The following RWDD3 variants were observed in gnomAD, a reference collection of about 807,000 sequenced individuals.
The protein encoded by RWDD3 is RWD domain containing 3.
In RWDD3, 30 loss-of-function variants were observed where a neutral mutation model predicts 26.5. The ratio of observed to expected loss-of-function variants is 1.13; its 90% CI spans 0.85 to 1.54. RWDD3 has a LOEUF of 1.54. Ranked by LOEUF, RWDD3 falls within the 40% of genes most tolerant of loss-of-function variation. The probability of loss-of-function intolerance (pLI) is 0.00; values close to 1 mark genes in which losing one functional copy is unlikely to be tolerated. For missense variants in RWDD3, 296 were observed against 309.1 expected (o/e 0.96, Z 0.32); for synonymous variants, 113 against 114.5 (o/e 0.99, Z 0.09).
chr1:95,246,440 A>G (rs1000452458), intron 2 of RWDD3, 102 bp from the exon 3 acceptor site: 7 of 606,942 alleles, frequency 1.2e-5, no homozygotes, highest in African/African-American at 1.9e-5. Context: ...AAAAGGGGGT[A>G]TTTAAGCATG....
chr1:95,245,596 T>C (rs936393319), intron 2 of RWDD3, among the ~76,000 whole-genome samples: 1 of 152,212 alleles, frequency 6.6e-6, no homozygotes, highest in African/African-American at 2.4e-5. Flanking sequence ...AGACTCATGC[T>C]GGGTTAAAGT....
chr1:95,238,923 G>C (rs1223802687), intron 1 of RWDD3, among the ~76,000 whole-genome samples: 1 of 152,064 alleles, frequency 6.6e-6, no homozygotes, highest in Non-Finnish European at 1.5e-5. Flanking sequence ...GGAAGCATAA[G>C]GTTTGAAACC....
At chr1:95,245,746 T>C (rs1409410966) in intron 2 of RWDD3, among the ~76,000 whole-genome samples, 1 of 152,116 alleles carries the variant, frequency 6.6e-6, no homozygotes, top group Admixed American at 6.5e-5. Flanking sequence ...AAAAAATAAA[T>C]ACAAATTAAT....
intron 1 of RWDD3, among the ~76,000 whole-genome samples, chr1:95,242,159 C>T (rs1178295849): frequency 6.6e-6 from 1 of 152,182 alleles, no homozygotes; most frequent in Non-Finnish European, 1.5e-5. Context: ...CACACCAGAT[C>T]CCTGGAGAAT....
Position 95,244,225 on chromosome 1 carries a change from G to C in RWDD3, c.100G>C (p.Val34Leu). 6.2e-7 allele frequency: 1 copy of C among 1,613,872 alleles called. No homozygotes were observed. The highest frequency in any genetic ancestry group is 8.5e-7 in the Non-Finnish European group (1 of 1,179,750). Residue 34 changes from valine (V) to leucine (L), a missense_variant, in exon 2 of 4, where the codon GTG (valine) becomes CTG (leucine). By Grantham distance (32) the Val-to-Leu change is conservative (BLOSUM62 1). Coordinates refer to ENST00000370202, the MANE Select transcript of RWDD3 (RefSeq NM_015485.5). Reference protein sequence around the residue: ...VLSRSETDGTVFRIHTKAEGF... With the variant: ...VLSRSETDGTLFRIHTKAEGF... ...ATGCCTTCCAGAGACAGATGGGACC[G>C]TGTTCAGAATTCACACAAAAGCTGA...
In RWDD3 at chr1:95,244,366, G is replaced by A; in HGVS notation, c.241G>A (p.Val81Met). The A allele has an allele frequency of 6.2e-7, 1 of 1,614,180 alleles. No homozygotes were observed. Among genetic ancestry groups the A allele is most frequent in the Non-Finnish European group, 8.5e-7 (1 of 1,180,036 alleles). ...TGAACAGTTGACCAGGGCCCAGTGT[G>A]TGACTGTGAAAGAGAATTTACTTGA... ...NSEQLTRAQC[V>M]TVKENLLEQA... Residue 81 changes from valine to methionine, a missense_variant, in exon 2 of 4, where the codon GTG becomes ATG. Physicochemically the swap from Val to Met is conservative, Grantham distance 21. Transcript: ENST00000370202.
At chr1:95,236,284 CCATT>C (rs1342696224) in intron 1 of RWDD3, among the ~76,000 whole-genome samples, 2 of 151,208 alleles carry the variant, frequency 1.3e-5, no homozygotes, top group African/African-American at 4.9e-5. Context: ...CAAGATCTCA[CCATT>C]CATTGCACTG....
In RWDD3 at chr1:95,244,455, T is replaced by C; in HGVS notation, c.330T>C (p.Asn110=). 1 of 1,614,220 alleles carries C rather than the reference T, an allele frequency of 6.2e-7. No individual in the cohort carries two copies. Among genetic ancestry groups the C allele is most frequent in the Non-Finnish European group, 8.5e-7 (1 of 1,180,034 alleles). ...AGCTGGTTCTCTGGATTCAGCAGAA[T>C]CTCAGGCATATCCTCAGCCAACCAG... ...VHELVLWIQQ[N]LRHILSQPET... is the part of the protein sequence containing the mutation. Residue 110 remains asparagine (N), a synonymous_variant, in exon 2 of 4, where the codon AAT becomes AAC. Transcript: ENST00000370202.
chr1:95,234,505 C>T (rs548661158), intron 1 of RWDD3, among the ~76,000 whole-genome samples, 190 bp downstream of exon 1: 1 of 152,036 alleles, frequency 6.6e-6, no homozygotes, highest in African/African-American at 2.4e-5. Flanking sequence ...TGAGGCGACC[C>T]CAGAAACACT....
At chr1:95,236,853 C>T (rs948508788) in intron 1 of RWDD3, among the ~76,000 whole-genome samples, 3 of 152,158 alleles carry the variant, frequency 2.0e-5, no homozygotes, top group African/African-American at 7.2e-5. Flanking sequence ...GTCATTAGTA[C>T]ACAGCTGAGC....
chr1:95,234,505 C>G (rs548661158), intron 1 of RWDD3, among the ~76,000 whole-genome samples, 190 bp downstream of exon 1: 1 of 152,152 alleles, frequency 6.6e-6, no homozygotes, highest in African/African-American at 2.4e-5. Context: ...TGAGGCGACC[C>G]CAGAAACACT....
intron 1 of RWDD3, among the ~76,000 whole-genome samples, chr1:95,236,809 C>G (rs978757312): frequency 3.3e-5 from 5 of 152,142 alleles, no homozygotes; most frequent in African/African-American, 1.2e-4. Flanking sequence ...CCTGCAATTT[C>G]CCATCACACC....
intron 2 of RWDD3, among the ~76,000 whole-genome samples, chr1:95,245,448 T>C (rs1680815362): frequency 1.3e-5 from 2 of 152,222 alleles, no homozygotes; most frequent in Non-Finnish European, 2.9e-5. Context: ...CATGAATAAT[T>C]ACATTTGAAT....
chr1:95,245,462 T>C (rs1680816033), intron 2 of RWDD3, among the ~76,000 whole-genome samples: 1 of 152,208 alleles, frequency 6.6e-6, no homozygotes, highest in Admixed American at 6.5e-5. Context: ...TTTGAATTTA[T>C]TTAAGACAAA....
At chr1:95,245,670 C>G (rs1062156) in intron 2 of RWDD3, among the ~76,000 whole-genome samples, 1 of 152,126 alleles carries the variant, frequency 6.6e-6, no homozygotes, top group African/African-American at 2.4e-5. Flanking sequence ...TGAGGAACCT[C>G]TTGTTTTAAA....
intron 1 of RWDD3, among the ~76,000 whole-genome samples, chr1:95,242,289 A>G (rs943592415): frequency 3.3e-5 from 5 of 152,242 alleles, no homozygotes; most frequent in African/African-American, 1.2e-4. Context: ...CACTTGGGAT[A>G]TATCCCTGCT....
chr1:95,244,729 C>T (rs939055578), intron 2 of RWDD3, 31 bp downstream of exon 2: 6 of 1,596,166 alleles, frequency 3.8e-6, no homozygotes, highest in Non-Finnish European at 5.1e-6. Context: ...GAGTATGAAT[C>T]TGGCTATTTT....
chr1:95,244,109 C>G (rs767433506), intron 1 of RWDD3, 102 bp from the exon 2 acceptor site: 1 of 1,499,262 alleles, frequency 6.7e-7, no homozygotes, highest in Admixed American at 2.2e-5. Flanking sequence ...AGAGTTTTCT[C>G]ATGAAAAATA....
intron 1 of RWDD3, among the ~76,000 whole-genome samples, chr1:95,235,235 G>C (rs1394490301): frequency 6.9e-6 from 1 of 145,792 alleles, no homozygotes; most frequent in African/African-American, 2.5e-5. Context: ...TTTTTTTTTA[G>C]TAGAGACAGG....
Sources: allele counts gnomAD v4.1 joint callset (sites outside exome capture counted in the v4.1 genomes callset), GRCh38; gene constraint gnomAD v4.1.1; transcripts MANE v1.5; gene names NCBI Gene and HGNC (gene_info 2026-07-23, HGNC 2026-07-21).